Variants in UNC5C observed in about 807,000 individuals in gnomAD.
UNC5C encodes the protein unc-5 netrin receptor C.
A neutral mutation model predicts 99.8 loss-of-function variants in UNC5C; 47 were observed. The ratio of observed to expected loss-of-function variants is 0.47; its 90% CI spans 0.37 to 0.60. The LOEUF is 0.60. Among genes scored for constraint, UNC5C ranks in the 20% least tolerant of loss-of-function variants. The pLI, the probability that UNC5C is intolerant of heterozygous loss-of-function variation, is 0.00. For synonymous variants in UNC5C, 487 were observed against 452.2 expected (o/e 1.08, Z -0.98); for missense variants, 1,062 against 1,165.9 (o/e 0.91, Z 1.30).
intron 1 of UNC5C, among the ~76,000 whole-genome samples, chr4:95,365,233 T>C (rs1268005655): frequency 1.4e-5 from 2 of 147,232 alleles, no homozygotes; most frequent in Non-Finnish European, 3.0e-5. Flanking sequence ...GAGGTGGAGG[T>C]TGCAGTGAGC....
intron 7 of UNC5C, among the ~76,000 whole-genome samples, chr4:95,234,954 T>C (rs1250787373): frequency 6.6e-6 from 1 of 152,170 alleles, no homozygotes; most frequent in Non-Finnish European, 1.5e-5. Flanking sequence ...GTTTAAATTA[T>C]GATTGCAAGG....
In UNC5C at chr4:95,169,205, G is replaced by A; in HGVS notation, c.*29C>T. ...GGCCACAGACTCCCTGTGCATTTTT[G>A]TCCTTCATTTCCCCTTCCAGCATGG... On this transcript the variant is annotated 3_prime_UTR_variant, in exon 16 of 16. Coordinates refer to ENST00000453304, the MANE Select transcript of UNC5C (RefSeq NM_003728.4). The A allele has an allele frequency of 1.9e-6, 3 of 1,610,186 alleles. No individual in the cohort carries two copies. Among genetic ancestry groups the A allele is most frequent in the Middle Eastern group, 1.7e-4 (1 of 6,034 alleles).
chr4:95,293,295 CTTTTTTTTTT>C (rs1175837199), intron 3 of UNC5C, among the ~76,000 whole-genome samples: 10 of 56,906 alleles, frequency 1.8e-4, no homozygotes, highest in East Asian at 1.7e-3. Context: ...TAATAGTGAG[CTTTTTTTTTT>C]TTTTTTTTTT....
intron 7 of UNC5C, among the ~76,000 whole-genome samples, chr4:95,239,054 A>G (rs1287084839): frequency 1.3e-5 from 2 of 152,104 alleles, no homozygotes; most frequent in Non-Finnish European, 2.9e-5. Flanking sequence ...CTCATTTATT[A>G]TTGCTGACTC....
At chr4:95,332,849 T>TA (rs1405768400) in intron 2 of UNC5C, among the ~76,000 whole-genome samples, 3 of 151,794 alleles carry the variant, frequency 2.0e-5, no homozygotes, top group East Asian at 1.9e-4. Context: ...ATCCAGAATC[T>TA]CAATGAACTC....
intron 2 of UNC5C, among the ~76,000 whole-genome samples, chr4:95,333,794 A>G (rs961698481): frequency 6.6e-6 from 1 of 152,132 alleles, no homozygotes; most frequent in Non-Finnish European, 1.5e-5. Flanking sequence ...AGTAAAGATA[A>G]GCCTGAATAT....
At position 95,471,705 on chromosome 4, in the gene UNC5C, C is replaced by T. The variant is rs969344221; in HGVS notation, c.124+77029G>A. ...TCATGCATAGGCATATAGGCACATACATAACTTTAACAGTTTTGAGGGGAT... is the reference window on the plus strand; with the variant it reads ...TCATGCATAGGCATATAGGCACATATATAACTTTAACAGTTTTGAGGGGAT... On this transcript the variant is annotated intron_variant, in intron 1 of 15. Coordinates refer to ENST00000453304, the MANE Select transcript of UNC5C (RefSeq NM_003728.4). Among the ~76,000 whole-genome samples, 6 of 152,120 alleles carry T rather than the reference C, an allele frequency of 3.9e-5. No homozygotes were observed. In the East Asian group the frequency reaches 7.7e-4, roughly 20 times the overall value.
chr4:95,266,259 T>C (rs1441307734), intron 4 of UNC5C, among the ~76,000 whole-genome samples: 1 of 152,190 alleles, frequency 6.6e-6, no homozygotes, highest in Non-Finnish European at 1.5e-5. Flanking sequence ...AGAAGAGATG[T>C]CATATCTCTA....
intron 7 of UNC5C, among the ~76,000 whole-genome samples, chr4:95,237,547 C>T (rs1192613781): frequency 1.3e-5 from 2 of 152,122 alleles, no homozygotes; most frequent in Non-Finnish European, 2.9e-5. Flanking sequence ...CACTATCAAA[C>T]TGGTAAACAA....
intron 3 of UNC5C, among the ~76,000 whole-genome samples, chr4:95,284,591 A>G (rs781459059): frequency 1.3e-5 from 2 of 152,186 alleles, no homozygotes; most frequent in Non-Finnish European, 2.9e-5. Context: ...GAAACTAGGG[A>G]GAGAAGTGGG....
At chr4:95,444,213 T>C (rs1232674974) in intron 1 of UNC5C, among the ~76,000 whole-genome samples, 1 of 152,224 alleles carries the variant, frequency 6.6e-6, no homozygotes, top group African/African-American at 2.4e-5. Context: ...CATTGACCTC[T>C]TTCTCCTTTA....
chr4:95,403,351 T>A (rs981044994), intron 1 of UNC5C, among the ~76,000 whole-genome samples: 17 of 152,140 alleles, frequency 1.1e-4, no homozygotes, highest in Non-Finnish European at 1.5e-5. Flanking sequence ...ACAGGTGAGC[T>A]GGAACCCCGC....
intron 9 of UNC5C, 84 bp from the exon 10 acceptor site, chr4:95,216,295 A>G (rs886629334): frequency 2.2e-5 from 22 of 1,007,724 alleles, no homozygotes; most frequent in Admixed American, 2.3e-5. Flanking sequence ...CCGCGCAGCC[A>G]TAAGCCTGCT....
intron 1 of UNC5C, among the ~76,000 whole-genome samples, chr4:95,444,370 G>C (rs998689290): frequency 1.4e-5 from 2 of 145,970 alleles, no homozygotes; most frequent in African/African-American, 5.1e-5. Context: ...TCGCTCTGTC[G>C]CCCAGGCTGG....
chr4:95,401,022 C>G (rs1290653749), intron 1 of UNC5C, among the ~76,000 whole-genome samples: 1 of 152,076 alleles, frequency 6.6e-6, no homozygotes, highest in Non-Finnish European at 1.5e-5. Flanking sequence ...ATTTTAACGA[C>G]TGAGTTTTTG....
intron 3 of UNC5C, 126 bp from the exon 4 acceptor site, chr4:95,278,488 T>A: frequency 1.4e-6 from 1 of 708,484 alleles, no homozygotes; most frequent in Non-Finnish European, 2.3e-6. Context: ...TTTCTTTTTT[T>A]TTTTGAGACA....
At chr4:95,371,198 A>G (rs1460923749) in intron 1 of UNC5C, among the ~76,000 whole-genome samples, 1 of 152,150 alleles carries the variant, frequency 6.6e-6, no homozygotes, top group Non-Finnish European at 1.5e-5. Flanking sequence ...CCTAGCTGTG[A>G]TAGTCTCCTC....
chr4:95,348,337 T>G (rs780424936), intron 1 of UNC5C, among the ~76,000 whole-genome samples: 7 of 151,858 alleles, frequency 4.6e-5, no homozygotes, highest in African/African-American at 2.4e-5. Flanking sequence ...GTACAACCAC[T>G]ATGGAGAATG....
chr4:95,492,116 C>T (rs1721510565), intron 1 of UNC5C, among the ~76,000 whole-genome samples: 1 of 151,184 alleles, frequency 6.6e-6, no homozygotes, highest in Admixed American at 6.6e-5. Context: ...AAAAATAAAT[C>T]TCTAATATAA....
Sources: allele counts gnomAD v4.1 joint callset (sites outside exome capture counted in the v4.1 genomes callset), GRCh38; gene constraint gnomAD v4.1.1; transcripts MANE v1.5; gene names NCBI Gene and HGNC (gene_info 2026-07-23, HGNC 2026-07-21).